The following ELAVL4 variants were observed in gnomAD, a reference collection of about 807,000 sequenced individuals.
ELAVL4 encodes the protein ELAV like RNA binding protein 4, also known as ELAV-like protein 4.
ELAVL4 carries 1 observed loss-of-function variant against 35.6 expected under a neutral mutation model. The observed-to-expected ratio is 0.03, with a 90% CI of 0.01 to 0.13. The LOEUF is 0.13. Among genes scored for constraint, ELAVL4 ranks in the 10% least tolerant of loss-of-function variants. The pLI is 1.00. For missense variants in ELAVL4, 267 were observed against 464.9 expected (o/e 0.57, Z 3.91); for synonymous variants, 156 against 171.0 (o/e 0.91, Z 0.69).
intron 2 of ELAVL4, chr1:50,175,812 A>G (rs959997715): frequency 1.3e-5 from 2 of 152,220 alleles, no homozygotes; most frequent in African/African-American, 4.8e-5. Context: ...TGGCCGCTGA[A>G]ATGGGCTCCT....
At chr1:50,176,272 C>T (rs2988269) in intron 2 of ELAVL4, among the ~76,000 whole-genome samples, 83,378 of 152,056 alleles carry the variant, frequency 0.55, 24,908 homozygotes, top group Non-Finnish European at 0.68. Context: ...AGGAGCTCCC[C>T]AGCTCTTTCC....
chr1:50,117,195 A>G (rs1179611801), intron 1 of ELAVL4, among the ~76,000 whole-genome samples: 2 of 152,130 alleles, frequency 1.3e-5, no homozygotes, highest in Non-Finnish European at 2.9e-5. Flanking sequence ...TCTCTAGTGG[A>G]AAAGTTAATC....
chr1:50,155,343 C>A (rs1190024122), intron 2 of ELAVL4, among the ~76,000 whole-genome samples: 1 of 152,122 alleles, frequency 6.6e-6, no homozygotes, highest in Non-Finnish European at 1.5e-5. Flanking sequence ...CCTCTCCCAC[C>A]ACTGGCCCTG....
chr1:50,048,098 T>G (rs1260635242), exon 1 of ELAVL4: 6 of 1,449,954 alleles, frequency 4.1e-6, no homozygotes, highest in African/African-American at 3.0e-5. Flanking sequence ...TGCGGACGTC[T>G]TCCCGCCCGC....
intron 3 of ELAVL4, among the ~76,000 whole-genome samples, chr1:50,191,546 T>C (rs1358123351): frequency 1.3e-5 from 2 of 152,092 alleles, no homozygotes; most frequent in East Asian, 3.9e-4. Flanking sequence ...TGCTGGGAGC[T>C]AGAGTCACAG....
chr1:50,144,457 T>G, intron 1 of ELAVL4: 1 of 391,480 alleles, frequency 2.6e-6, no homozygotes, highest in Non-Finnish European at 4.9e-6. Context: ...CAGTGAAAAT[T>G]TAAACCCTTC....
intron 6 of ELAVL4, among the ~76,000 whole-genome samples, chr1:50,197,779 G>C (rs531634037): frequency 6.6e-6 from 1 of 152,232 alleles, no homozygotes; most frequent in Non-Finnish European, 1.5e-5. Flanking sequence ...GAAAGGCTCC[G>C]ACTCTTTGCT....
intron 5 of ELAVL4, among the ~76,000 whole-genome samples, chr1:50,196,797 A>C (rs1644088212): frequency 6.6e-6 from 1 of 152,234 alleles, no homozygotes; most frequent in South Asian, 2.1e-4. Context: ...AACTATCGTT[A>C]CTACTGCCCT....
chr1:50,089,473 C>CTAGGTG (rs1407565081), intron 1 of ELAVL4, among the ~76,000 whole-genome samples: 1 of 152,156 alleles, frequency 6.6e-6, no homozygotes, highest in African/African-American at 2.4e-5. Flanking sequence ...CTCTTTCTGG[C>CTAGGTG]TAGGTGTGGT....
At chr1:50,103,770 G>A (rs1666108748), upstream of ELAVL4, 1 of 681,464 alleles carries the variant, frequency 1.5e-6, no homozygotes, top group Non-Finnish European at 2.5e-6. Flanking sequence ...GTGTGGATAT[G>A]TGAGTGTCTG....
At chr1:50,137,955 A>G (rs188780840) in intron 1 of ELAVL4, among the ~76,000 whole-genome samples, 2 of 152,166 alleles carry the variant, frequency 1.3e-5, no homozygotes, top group Admixed American at 6.5e-5. Context: ...CTCCATGTAC[A>G]TTATCTCACT....
intron 1 of ELAVL4, among the ~76,000 whole-genome samples, chr1:50,059,165 A>G (rs1312387972): frequency 1.3e-5 from 2 of 152,128 alleles, no homozygotes; most frequent in Non-Finnish European, 2.9e-5. Flanking sequence ...TAGAGCTTGC[A>G]TTTTCTTAAA....
intron 2 of ELAVL4, among the ~76,000 whole-genome samples, chr1:50,165,412 C>T (rs1677573449): frequency 6.7e-6 from 1 of 149,684 alleles, no homozygotes; most frequent in Admixed American, 6.7e-5. Context: ...TCTAGAAGGA[C>T]AAGAACTAAC....
chr1:50,196,946 C>A (rs958126931), intron 5 of ELAVL4, among the ~76,000 whole-genome samples: 1 of 152,160 alleles, frequency 6.6e-6, no homozygotes, highest in Admixed American at 6.5e-5. Flanking sequence ...ACTCCCCCTG[C>A]CTCCCAAAAA....
chr1:50,135,087 T>C (rs1401137861), intron 1 of ELAVL4, among the ~76,000 whole-genome samples: 1 of 152,170 alleles, frequency 6.6e-6, no homozygotes, highest in Non-Finnish European at 1.5e-5. Flanking sequence ...TTAATGCCTC[T>C]TGTTCTCTCC....
At position 50,203,701 on chromosome 1, in the gene ELAVL4, T is replaced by C. The variant is rs1207834319; in HGVS notation, c.*2523T>C. On this transcript the variant is annotated 3_prime_UTR_variant, in exon 7 of 7. Transcript: ENST00000371824. ...GGAAAGTATTGTAAATGTTTTTTTT[T>C]CATAATCTTGTTGTGTTTGAATTAT... 1 of 152,214 alleles carries C rather than the reference T, an allele frequency of 6.6e-6. No individual in the cohort carries two copies. The highest frequency in any genetic ancestry group is 2.4e-5 in the African/African-American group (1 of 41,448). The allele number at this position is 152,214 out of a possible 1,614,324, so 9.4% of individuals were successfully genotyped here.
At chr1:50,085,975 G>A (rs1665221842) in intron 1 of ELAVL4, among the ~76,000 whole-genome samples, 1 of 152,154 alleles carries the variant, frequency 6.6e-6, no homozygotes, top group African/African-American at 2.4e-5. Context: ...CCAGTTGTAA[G>A]TCCTATTTGG....
chr1:50,139,130 G>A (rs1672391569), intron 1 of ELAVL4, among the ~76,000 whole-genome samples: 1 of 152,130 alleles, frequency 6.6e-6, no homozygotes, highest in Non-Finnish European at 1.5e-5. Flanking sequence ...TGTAAAATGG[G>A]GATGATATTA....
intron 5 of ELAVL4, 66 bp downstream of exon 5, chr1:50,195,852 G>T: frequency 6.3e-7 from 1 of 1,585,182 alleles, no homozygotes; most frequent in South Asian, 1.1e-5. Context: ...AGCCAGGGAA[G>T]CCCATGGTCC....
Sources: gnomAD v4.1 joint callset for allele counts (sites outside exome capture counted in the v4.1 genomes callset) on GRCh38, gnomAD v4.1.1 for gene constraint, MANE v1.5 for transcripts, NCBI Gene and HGNC (gene_info 2026-07-23, HGNC 2026-07-21) for gene names.